ASAH1: variants seen among roughly 807,000 people sequenced by gnomAD.
ASAH1 encodes acid ceramidase.
A neutral mutation model predicts 59.5 loss-of-function variants in ASAH1; 70 were observed. That is an observed-to-expected ratio of 1.18 (90% confidence interval 0.97 to 1.43). The LOEUF is 1.43. ASAH1 is among the 40% of genes most tolerant of loss of function. The probability of loss-of-function intolerance (pLI) is 0.00; values close to 1 mark genes in which losing one functional copy is unlikely to be tolerated. For missense variants in ASAH1, 660 were observed against 482.5 expected, an observed-to-expected ratio of 1.37 and a Z score of -3.45; for synonymous variants, 213 against 166.5, an observed-to-expected ratio of 1.28 and a Z score of -2.15.
At position 18,057,466 on chromosome 8, in the gene ASAH1, A is replaced by T; in HGVS notation, c.*68T>A. 1 of 1,251,224 alleles carries T rather than the reference A, an allele frequency of 8.0e-7. No homozygotes were observed. Among genetic ancestry groups the T allele is most frequent in the Non-Finnish European group, 1.1e-6 (1 of 869,866 alleles). 77.5% of individuals were successfully genotyped at this position (1,251,224 alleles called of 1,614,324 possible). ...AGTCTTTGGAAGGTCAGACAGCTGC[A>T]GTGTTCGGTCACATGGAGATGGTGT... On this transcript the variant is annotated 3_prime_UTR_variant, in exon 14 of 14. Transcript: ENST00000637790.
Position 18,059,240 on chromosome 8 carries a change from T to C in ASAH1, c.1041+101A>G, listed in dbSNP as rs959939263. 2.4e-4 allele frequency: 372 copies of C among 1,568,672 alleles called. 1 individual carries two copies. The highest frequency in any genetic ancestry group is 3.1e-4 in the Non-Finnish European group (358 of 1,149,660). The stretch of plus-strand genomic sequence containing the variant: ...GAGTGGCTAGAGATACTATGAAAAA[T>C]AGGACGTTTATAAATTACTTGAAGG... On this transcript the variant is annotated intron_variant, in intron 12 of 13. Coordinates refer to ENST00000637790, the MANE Select transcript of ASAH1 (RefSeq NM_177924.5).
At chr8:18,084,823 A>G (rs140826556), upstream of ASAH1, 61,717 of 1,611,716 alleles carry the variant, frequency 0.038, 1,410 homozygotes, top group South Asian at 0.06. Context: ...GTTTCCTCCT[A>G]ACTGGCGAAG....
upstream of ASAH1, chr8:18,084,482 C>G: frequency 7.6e-7 from 1 of 1,314,460 alleles, no homozygotes; most frequent in Non-Finnish European, 1.0e-6. Context: ...TCGGTACCCA[C>G]GAAACGGATC....
At chr8:18,070,319 T>G (rs1229890928) in intron 3 of ASAH1, among the ~76,000 whole-genome samples, 1 of 152,170 alleles carries the variant, frequency 6.6e-6, no homozygotes, top group Non-Finnish European at 1.5e-5. Context: ...CTGGCTAATT[T>G]TTGTATTTTT....
In ASAH1 at chr8:18,057,531, T is replaced by C. The variant is rs1799522710; in HGVS notation, c.*3A>G. On this transcript the variant is annotated 3_prime_UTR_variant, in exon 14 of 14. Coordinates refer to ENST00000637790, the MANE Select transcript of ASAH1 (RefSeq NM_177924.5). Reference sequence around the variant, plus strand: ...GGCCGCATTCTGTAGGCCAGACGTGTGCTCACCAACCTATACAAGGGTCAG... The same window carrying C: ...GGCCGCATTCTGTAGGCCAGACGTGCGCTCACCAACCTATACAAGGGTCAG... The C allele has an allele frequency of 1.3e-6, 2 of 1,594,208 alleles. No homozygotes were observed. The highest frequency in any genetic ancestry group is 3.4e-4 in the Middle Eastern group (2 of 5,950).
intron 2 of ASAH1, among the ~76,000 whole-genome samples, chr8:18,072,082 C>A (rs1479396383): frequency 6.6e-6 from 1 of 152,210 alleles, no homozygotes; most frequent in Non-Finnish European, 1.5e-5. Flanking sequence ...ATCAGTGAAG[C>A]TGGGCCATAT....
chr8:18,071,470 T>C lies in ASAH1; in HGVS notation c.126-80A>G, dbSNP rs533606863. ...AGTTAGATACATCTATAAGAATATA[T>C]GAGAGGCAAAGTCTTAACAGCAGTG... On this transcript the variant is annotated intron_variant, in intron 2 of 13. Transcript: ENST00000637790. 9.3e-6 allele frequency: 9 copies of C among 968,618 alleles called. No homozygotes were observed. The East Asian group carries it at 1.7e-4, about 18-fold the overall frequency. The allele number at this position is 968,618 out of a possible 1,614,324, so 60.0% of individuals were successfully genotyped here.
At chr8:18,084,911 T>C, upstream of ASAH1, 5 of 1,488,516 alleles carry the variant, frequency 3.4e-6, no homozygotes, top group East Asian at 7.4e-5. Context: ...CGCTTGGCTT[T>C]CGTGCCATCC....
At chr8:18,079,481 A>G (rs1800559707) in intron 1 of ASAH1, among the ~76,000 whole-genome samples, 1 of 151,698 alleles carries the variant, frequency 6.6e-6, no homozygotes. Context: ...TAAGGTCTCA[A>G]TGAAAGCGCC....
intron 10 of ASAH1, chr8:18,060,978 C>G (rs1028007485): frequency 1.6e-5 from 3 of 191,148 alleles, no homozygotes; most frequent in South Asian, 1.8e-4. Flanking sequence ...GTCTCAAACC[C>G]CTGGGTGCAA....
At chr8:18,063,588 G>C in intron 6 of ASAH1, 1 of 240,668 alleles carries the variant, frequency 4.2e-6, no homozygotes, top group South Asian at 5.1e-5. Flanking sequence ...CAAAGTGCTG[G>C]CATTACAGGT....
intron 2 of ASAH1, among the ~76,000 whole-genome samples, chr8:18,071,808 T>C (rs977747754): frequency 1.3e-5 from 2 of 152,232 alleles, no homozygotes; most frequent in Non-Finnish European, 2.9e-5. Flanking sequence ...TGTAACACTA[T>C]TGCCAAACCA....
At position 18,064,191 on chromosome 8, in the gene ASAH1, G is replaced by T; in HGVS notation, c.457+266C>A. The T allele has an allele frequency of 5.2e-6, 3 of 574,472 alleles. No homozygotes were observed. In the South Asian group the frequency reaches 7.1e-5, roughly 14 times the overall value. 35.6% of individuals were successfully genotyped at this position (574,472 alleles called of 1,614,324 possible). On this transcript the variant is annotated intron_variant, in intron 6 of 13. Transcript: ENST00000637790. ...ATGTAGATGGGTAGAAGTAAACTAT[G>T]AGGAAGAGAAGAATGTTTCTAGCCC... is the stretch of plus-strand genomic sequence containing the variant.
rs1799522778 is a variant in ASAH1, at chr8:18,057,533, C to T, written c.*1G>A. 1 of 1,594,972 alleles carries T rather than the reference C, an allele frequency of 6.3e-7. No individual in the cohort carries two copies. Among genetic ancestry groups the T allele is most frequent in the Admixed American group, 1.7e-5 (1 of 59,508 alleles). On this transcript the variant is annotated 3_prime_UTR_variant, in exon 14 of 14. Coordinates refer to ENST00000637790, the MANE Select transcript of ASAH1 (RefSeq NM_177924.5). ...CCGCATTCTGTAGGCCAGACGTGTG[C>T]TCACCAACCTATACAAGGGTCAGGG...
chr8:18,063,449 A>G, intron 6 of ASAH1: 1 of 481,720 alleles, frequency 2.1e-6, no homozygotes, highest in Non-Finnish European at 3.7e-6. Context: ...GATTACAGAC[A>G]TGTGCGACCG....
chr8:18,061,919 T>A, intron 8 of ASAH1, 179 bp from the exon 9 acceptor site: 1 of 695,032 alleles, frequency 1.4e-6, no homozygotes, highest in Non-Finnish European at 2.5e-6. Context: ...TTCTAGTATG[T>A]GAGATAAGTA....
intron 2 of ASAH1, among the ~76,000 whole-genome samples, chr8:18,072,037 G>A (rs1384231865): frequency 6.6e-6 from 1 of 152,210 alleles, no homozygotes; most frequent in Non-Finnish European, 1.5e-5. Flanking sequence ...CTTACGTGCA[G>A]CAATTTCTGA....
chr8:18,075,353 TA>T (rs1800359543), intron 2 of ASAH1, 187 bp downstream of exon 2: 1 of 718,274 alleles, frequency 1.4e-6, no homozygotes, highest in South Asian at 1.5e-5. Flanking sequence ...AATCGGAAGA[TA>T]TTTTCATATT....
chr8:18,076,774 G>C (rs1273525410), intron 1 of ASAH1: 2 of 152,194 alleles, frequency 1.3e-5, no homozygotes, highest in African/African-American at 4.8e-5. Context: ...CACAGAAAAT[G>C]TATCTGCTGG....
Sources: allele counts gnomAD v4.1 joint callset (sites outside exome capture counted in the v4.1 genomes callset), GRCh38; gene constraint gnomAD v4.1.1; transcripts MANE v1.5; gene names NCBI Gene and HGNC (gene_info 2026-07-23, HGNC 2026-07-21).